The following KLB variants were observed in gnomAD, a reference collection of about 807,000 sequenced individuals.
KLB encodes beta-klotho.
KLB carries 44 observed loss-of-function variants against 88.4 expected under a neutral mutation model. The ratio of observed to expected loss-of-function variants is 0.50; its 90% CI spans 0.39 to 0.64. KLB has a LOEUF of 0.64. Ranked by LOEUF, KLB falls within the 30% of genes least tolerant of loss-of-function variation. The pLI, the probability that KLB is intolerant of heterozygous loss-of-function variation, is 0.00. For synonymous variants in KLB, 548 were observed against 513.4 expected (o/e 1.07, Z -0.91); for missense variants, 1,137 against 1,304.8 (o/e 0.87, Z 1.98).
intron 1 of KLB, among the ~76,000 whole-genome samples, chr4:39,424,429 A>G (rs1261893172): frequency 5.3e-5 from 8 of 151,564 alleles, no homozygotes; most frequent in Admixed American, 3.3e-4. Context: ...GGGAATTTGC[A>G]AGAACTGCTC....
intron 1 of KLB, among the ~76,000 whole-genome samples, chr4:39,430,486 C>T (rs1743322817): frequency 1.3e-5 from 2 of 151,216 alleles, no homozygotes. Context: ...TAGCTGAAAC[C>T]ATTTAAGGTA....
chr4:39,445,226 G>A (rs1361415233), intron 3 of KLB, among the ~76,000 whole-genome samples: 1 of 152,076 alleles, frequency 6.6e-6, no homozygotes. Flanking sequence ...CTGTGAGGTG[G>A]GTGCGATTAC....
chr4:39,419,500 A>G (rs1743032059), intron 1 of KLB, among the ~76,000 whole-genome samples: 2 of 152,168 alleles, frequency 1.3e-5, no homozygotes, highest in Non-Finnish European at 2.9e-5. Context: ...TTGGCCGAGC[A>G]CGGTGGCTCA....
At chr4:39,444,279 A>ATTCTCTTAAAAT (rs75911764) in intron 3 of KLB, among the ~76,000 whole-genome samples, 43,401 of 152,064 alleles carry the variant, frequency 0.29, 6,689 homozygotes, top group African/African-American at 0.38. Flanking sequence ...TATTAGCTGG[A>ATTCTCTTAAAAT]TGATGTTTTA....
chr4:39,433,949 C>T (rs1339406239), intron 1 of KLB, among the ~76,000 whole-genome samples: 1 of 152,148 alleles, frequency 6.6e-6, no homozygotes, highest in Non-Finnish European at 1.5e-5. Context: ...CAAGAGGGCC[C>T]AGGAAGGGAG....
chr4:39,418,284 C>T (rs532515733), intron 1 of KLB, among the ~76,000 whole-genome samples: 1 of 152,226 alleles, frequency 6.6e-6, no homozygotes, highest in African/African-American at 2.4e-5. Context: ...GTCACCTAGG[C>T]TGGAGTAGTG....
intron 1 of KLB, among the ~76,000 whole-genome samples, chr4:39,415,322 T>C (rs533943862): frequency 6.4e-4 from 97 of 152,244 alleles, no homozygotes; most frequent in African/African-American, 2.3e-3. Context: ...TACTAAAATA[T>C]TTTTCTGTTA....
At position 39,446,467 on chromosome 4, in the gene KLB, A is replaced by C. The variant is rs931416509; in HGVS notation, c.1741A>C (p.Asn581His). 1.1e-5 allele frequency: 18 copies of C among 1,614,194 alleles called. No individual in the cohort carries two copies. Among genetic ancestry groups the C allele is most frequent in the Non-Finnish European group, 1.4e-5 (16 of 1,180,034 alleles). The change falls in exon 4 of 5, where the codon AAC becomes CAC. Residue 581 changes from asparagine to histidine, a missense_variant. Coordinates refer to ENST00000257408, the MANE Select transcript of KLB (RefSeq NM_175737.4). The surrounding 1 kb of genome is among the most constrained non-coding windows in gnomAD (Gnocchi z 6.4). ...ACCCGCTCAATGCACAGATTTTGTA[A>C]ACATCAAAAAACAACTTGAGATGTT... The part of the protein sequence containing the change: ...TRPAQCTDFV[N>H]IKKQLEMLAR...
At position 39,407,234 on chromosome 4, in the gene KLB, A is replaced by G; in HGVS notation, c.285A>G (p.Gln95=). The G allele has an allele frequency of 6.2e-7, 1 of 1,614,180 alleles. No homozygotes were observed. The highest frequency in any genetic ancestry group is 8.5e-7 in the Non-Finnish European group (1 of 1,180,036). Residue 95 remains glutamine, a synonymous_variant, in exon 1 of 5, where the codon CAA becomes CAG. Coordinates refer to ENST00000257408, the MANE Select transcript of KLB (RefSeq NM_175737.4). The stretch of plus-strand genomic sequence containing the variant: ...GGGGTATTGGGACTGGAGCATTGCA[A>G]GTGGAAGGGAGTTGGAAGAAGGATG... ...FFWGIGTGAL[Q]VEGSWKKDGK... is the part of the protein sequence containing the mutation.
At chr4:39,442,138 G>T (rs985384739) in intron 3 of KLB, among the ~76,000 whole-genome samples, 1 of 152,020 alleles carries the variant, frequency 6.6e-6, no homozygotes, top group African/African-American at 2.4e-5. Flanking sequence ...CATCTACTCA[G>T]GAGGCTGAGG....
intron 1 of KLB, among the ~76,000 whole-genome samples, chr4:39,431,377 G>A (rs886185547): frequency 1.1e-4 from 16 of 152,040 alleles, no homozygotes; most frequent in Non-Finnish European, 2.4e-4. Flanking sequence ...TCGGCCTTCC[G>A]AGTAGCTGGG....
chr4:39,448,436 T>C lies in KLB; in HGVS notation c.2885T>C (p.Ile962Thr), dbSNP rs771478561. The C allele has an allele frequency of 1.9e-6, 3 of 1,614,210 alleles. No homozygotes were observed. The Admixed American group carries it at 5.0e-5, about 27-fold the overall frequency. The change falls in exon 5 of 5, where the codon ATC (isoleucine) becomes ACC (threonine). Residue 962 changes from isoleucine to threonine, a missense_variant. Ile to Thr is a moderately conservative substitution (Grantham distance 89). Transcript: ENST00000257408. The part of the protein sequence containing the change: ...KSSIQFYNKV[I>T]SSRGFPFENS... ...TCAATACAATTTTACAACAAAGTGA[T>C]CAGCAGCAGGGGCTTCCCTTTTGAG...
rs745937646 is a variant in KLB, at chr4:39,437,931, C to T, written c.1541C>T (p.Thr514Met). The change falls in exon 3 of 5, where the codon ACG (threonine) becomes ATG (methionine). Residue 514 changes from threonine (T) to methionine (M), a missense_variant. Transcript: ENST00000257408. Reference sequence around the variant, plus strand: ...AATGGTTTTTCTTTAAAAGAGTCCACGCCAGATGTGCAGGGCCAGTTTCCC... The same window carrying T: ...AATGGTTTTTCTTTAAAAGAGTCCATGCCAGATGTGCAGGGCCAGTTTCCC... ...RENGFSLKES[T>M]PDVQGQFPCD... 3.3e-5 allele frequency: 54 copies of T among 1,614,176 alleles called. No individual in the cohort carries two copies. Among genetic ancestry groups the T allele is most frequent in the East Asian group, 2.7e-4 (12 of 44,886 alleles).
chr4:39,416,656 T>C (rs1449405298), intron 1 of KLB, among the ~76,000 whole-genome samples: 1 of 145,004 alleles, frequency 6.9e-6, no homozygotes, highest in Admixed American at 7.3e-5. Context: ...CATGGTGGCA[T>C]GAGCCTGTAG....
intron 1 of KLB, among the ~76,000 whole-genome samples, chr4:39,430,776 T>C (rs1009673024): frequency 5.3e-5 from 8 of 149,722 alleles, no homozygotes; most frequent in Non-Finnish European, 1.0e-4. Context: ...AATTTTTATA[T>C]TTTTTTTTAG....
chr4:39,419,424 AT>A (rs1743030785), intron 1 of KLB, among the ~76,000 whole-genome samples: 1 of 152,236 alleles, frequency 6.6e-6, no homozygotes, highest in African/African-American at 2.4e-5. Flanking sequence ...ATAATATAAA[AT>A]AAGTCATGTA....
chr4:39,426,588 T>TA (rs67026849), intron 1 of KLB, among the ~76,000 whole-genome samples: 4 of 151,484 alleles, frequency 2.6e-5, no homozygotes, highest in African/African-American at 9.7e-5. Context: ...AAAAACTTTT[T>TA]AAAAAAATAG....
rs759313925 is a variant in KLB, at chr4:39,448,671, G to T, written c.3120G>T (p.Lys1040Asn). The T allele has an allele frequency of 1.2e-6, 2 of 1,609,206 alleles. No individual in the cohort carries two copies. Among genetic ancestry groups the T allele is most frequent in the Non-Finnish European group, 1.7e-6 (2 of 1,179,514 alleles). ...AACACATACCATTAAAGAAAGGCAA[G>T]AGAGTTGTTAGCTAAACTGATCTGT... ...NLQHIPLKKGKRVVS is the reference protein window; with the variant it reads ...NLQHIPLKKGNRVVS Residue 1040 changes from lysine (K) to asparagine (N), a missense_variant, in exon 5 of 5, where the codon AAG (lysine) becomes AAT (asparagine). Physicochemically the swap from Lys to Asn is moderately conservative, Grantham distance 94. Coordinates refer to ENST00000257408, the MANE Select transcript of KLB (RefSeq NM_175737.4).
intron 1 of KLB, among the ~76,000 whole-genome samples, chr4:39,431,330 C>T (rs1421891303): frequency 6.6e-6 from 1 of 152,140 alleles, no homozygotes; most frequent in Non-Finnish European, 1.5e-5. Context: ...TGCATCACTG[C>T]AACCTCCGCC....
Sources: gnomAD v4.1 joint callset for allele counts (sites outside exome capture counted in the v4.1 genomes callset) on GRCh38, gnomAD v4.1.1 for gene constraint, Gnocchi (gnomAD v3.1) non-coding constraint, MANE v1.5 for transcripts, NCBI Gene and HGNC (gene_info 2026-07-23, HGNC 2026-07-21) for gene names.